The following PTPRD variants were observed in gnomAD, a reference collection of about 807,000 sequenced individuals.
PTPRD encodes receptor-type tyrosine-protein phosphatase delta.
In PTPRD, 34 loss-of-function variants were observed where a neutral mutation model predicts 214.5. The ratio of observed to expected loss-of-function variants is 0.16; its 90% confidence interval spans 0.12 to 0.21. The LOEUF is 0.21. Ranked by LOEUF, PTPRD falls within the 10% of genes least tolerant of loss-of-function variation. The pLI, the probability that PTPRD is intolerant of heterozygous loss-of-function variation, is 1.00. For synonymous variants in PTPRD, 1,128 were observed against 845.7 expected (o/e 1.33, Z -5.79); for missense variants, 2,545 against 2,398.7 (o/e 1.06, Z -1.27).
At chr9:10,175,436 G>T (rs2099242004) in intron 3 of PTPRD, among the ~76,000 whole-genome samples, 1 of 151,884 alleles carries the variant, frequency 6.6e-6, no homozygotes, top group African/African-American at 2.4e-5. Flanking sequence ...AAGAAAAATG[G>T]AATATACATA....
At chr9:9,014,040 T>C (rs564567677) in intron 11 of PTPRD, among the ~76,000 whole-genome samples, 3 of 152,190 alleles carry the variant, frequency 2.0e-5, no homozygotes, top group Admixed American at 2.0e-4. Flanking sequence ...ATGTTCATAA[T>C]AAGTACTTGT....
chr9:8,423,663 G>A (rs2094495878), intron 35 of PTPRD, among the ~76,000 whole-genome samples: 1 of 152,112 alleles, frequency 6.6e-6, no homozygotes, highest in South Asian at 2.1e-4. Flanking sequence ...CACCTTGCCA[G>A]TATAGGTCTC....
At chr9:9,070,205 C>A (rs1346271431) in intron 10 of PTPRD, among the ~76,000 whole-genome samples, 1 of 152,116 alleles carries the variant, frequency 6.6e-6, no homozygotes, top group Non-Finnish European at 1.5e-5. Context: ...TAGACTTACA[C>A]AGAGGTTGGA....
intron 3 of PTPRD, among the ~76,000 whole-genome samples, chr9:10,190,021 C>T (rs112917478): frequency 6.6e-6 from 1 of 152,040 alleles, no homozygotes; most frequent in Non-Finnish European, 1.5e-5. Flanking sequence ...CAACGACATT[C>T]TGTTAAAGAG....
chr9:10,169,270 C>T (rs1474616856), intron 3 of PTPRD, among the ~76,000 whole-genome samples: 3 of 151,424 alleles, frequency 2.0e-5, no homozygotes, highest in African/African-American at 4.9e-5. Context: ...GTCAGGAGAT[C>T]GAGACCATCC....
In PTPRD at chr9:10,612,378, C is replaced by G. The variant is rs1592001513; in HGVS notation, c.-600+20G>C. The G allele has an allele frequency of 7.4e-6, 1 of 134,766 alleles. No homozygotes were observed. Among genetic ancestry groups the G allele is most frequent in the Non-Finnish European group, 1.6e-5 (1 of 61,966 alleles). 8.3% of individuals were successfully genotyped at this position (134,766 alleles called of 1,614,324 possible). A position where few individuals can be genotyped will look rare whatever the true frequency, so the allele number is the denominator to read the frequency against. On this transcript the variant is annotated intron_variant, in intron 2 of 45. Coordinates refer to ENST00000381196, the MANE Select transcript of PTPRD (RefSeq NM_002839.4). ...TGCTTCACTTTAGAGAAAAGAAAGA[C>G]AGAAGCACAGTTTACTTACTAAAGC...
chr9:8,731,561 T>C (rs1341718992), intron 12 of PTPRD, among the ~76,000 whole-genome samples: 3 of 152,206 alleles, frequency 2.0e-5, no homozygotes, highest in Admixed American at 6.5e-5. Flanking sequence ...TTTCAGTGTT[T>C]GAAGAAAAGG....
intron 2 of PTPRD, among the ~76,000 whole-genome samples, chr9:10,410,270 T>TATATATATATAC (rs532202941): frequency 2.2e-4 from 31 of 139,848 alleles, no homozygotes; most frequent in African/African-American, 3.1e-4. Context: ...TATATATATA[T>TATATATATATAC]ACACACACAC....
intron 3 of PTPRD, among the ~76,000 whole-genome samples, chr9:10,114,795 A>G (rs1215286426): frequency 6.6e-6 from 1 of 152,054 alleles, no homozygotes; most frequent in Non-Finnish European, 1.5e-5. Flanking sequence ...CATGTTTTTA[A>G]TAATACATGT....
chr9:9,461,773 G>A (rs1214263729), intron 8 of PTPRD, among the ~76,000 whole-genome samples: 2 of 152,096 alleles, frequency 1.3e-5, no homozygotes, highest in Non-Finnish European at 2.9e-5. Flanking sequence ...TAGAGTGAAG[G>A]CATTTGGATG....
chr9:8,668,798 G>A (rs1034470644), intron 12 of PTPRD, among the ~76,000 whole-genome samples: 1 of 152,162 alleles, frequency 6.6e-6, no homozygotes, highest in African/African-American at 2.4e-5. Flanking sequence ...TCTCAAAATT[G>A]TGTCTACAAT....
chr9:10,385,657 A>G (rs565733259), intron 2 of PTPRD, among the ~76,000 whole-genome samples: 2 of 151,920 alleles, frequency 1.3e-5, no homozygotes, highest in South Asian at 2.1e-4. Context: ...AATCTCTTTC[A>G]GCTTCAGTTC....
At chr9:8,350,168 G>GA (rs576309120) in intron 39 of PTPRD, among the ~76,000 whole-genome samples, 9 of 152,162 alleles carry the variant, frequency 5.9e-5, no homozygotes, top group African/African-American at 1.7e-4. Context: ...TGTGCAAAAA[G>GA]AAAAAATTAA....
At chr9:8,721,039 ATT>A (rs33958683) in intron 12 of PTPRD, among the ~76,000 whole-genome samples, 66 of 138,220 alleles carry the variant, frequency 4.8e-4, no homozygotes, top group Middle Eastern at 3.9e-3. Context: ...TGACCCTTGG[ATT>A]TTTTTTTTTT....
intron 7 of PTPRD, among the ~76,000 whole-genome samples, chr9:9,706,914 A>T (rs929423335): frequency 4.6e-5 from 7 of 152,230 alleles, no homozygotes; most frequent in African/African-American, 1.4e-4. Context: ...GCAATTGAAA[A>T]GTCTGAAAAA....
intron 8 of PTPRD, among the ~76,000 whole-genome samples, chr9:9,435,673 T>A (rs1328506193): frequency 2.0e-5 from 3 of 152,172 alleles, no homozygotes; most frequent in Non-Finnish European, 4.4e-5. Context: ...ATCATATTTA[T>A]CTATGAATTA....
intron 7 of PTPRD, among the ~76,000 whole-genome samples, chr9:9,640,360 A>AGG (rs1222459996): frequency 6.6e-6 from 1 of 152,190 alleles, no homozygotes; most frequent in Admixed American, 6.5e-5. Context: ...TTATGCATTT[A>AGG]GGGAGAGACC....
intron 24 of PTPRD, among the ~76,000 whole-genome samples, chr9:8,500,249 A>T (rs2097365002): frequency 1.3e-5 from 2 of 151,974 alleles, no homozygotes; most frequent in African/African-American, 4.8e-5. Context: ...CGGCAGAATA[A>T]AAAGATTCTT....
chr9:8,383,353 A>G (rs370711081), intron 37 of PTPRD, among the ~76,000 whole-genome samples: 51 of 152,286 alleles, frequency 3.3e-4, no homozygotes, highest in African/African-American at 1.1e-3. Flanking sequence ...TCCACCAGCC[A>G]AATGTCAAGT....
Sources: allele counts gnomAD v4.1 joint callset (sites outside exome capture counted in the v4.1 genomes callset), GRCh38; gene constraint gnomAD v4.1.1; transcripts MANE v1.5; gene names NCBI Gene and HGNC (gene_info 2026-07-23, HGNC 2026-07-21).